The following SMCHD1 variants were observed in gnomAD, a reference collection of about 807,000 sequenced individuals.
SMCHD1 encodes the protein structural maintenance of chromosomes flexible hinge domain containing 1, also known as structural maintenance of chromosomes flexible hinge domain-containing protein 1.
In SMCHD1, 78 loss-of-function variants were observed where a neutral mutation model predicts 254.7. That is an observed-to-expected ratio of 0.31 (90% CI 0.26 to 0.37). The LOEUF is 0.37. Among genes scored for constraint, SMCHD1 ranks in the 10% least tolerant of loss-of-function variants. The pLI, the probability that SMCHD1 is intolerant of heterozygous loss-of-function variation, is 1.00. For synonymous variants in SMCHD1, 766 were observed against 794.9 expected (o/e 0.96, Z 0.61); for missense variants, 1,840 against 2,408.1 (o/e 0.76, Z 4.94).
intron 27 of SMCHD1, among the ~76,000 whole-genome samples, chr18:2,740,073 G>A (rs1313334554): frequency 6.6e-6 from 1 of 151,894 alleles, no homozygotes; most frequent in African/African-American, 2.4e-5. Flanking sequence ...CTTAAATGCT[G>A]TCCCTCCCCT....
At chr18:2,786,092 C>T (rs2076235730) in intron 45 of SMCHD1, among the ~76,000 whole-genome samples, 1 of 152,118 alleles carries the variant, frequency 6.6e-6, no homozygotes, top group Admixed American at 6.5e-5. Context: ...CAGCTCACTG[C>T]AACCTCGGTC....
intron 37 of SMCHD1, among the ~76,000 whole-genome samples, chr18:2,768,638 TATAGTATAC>T (rs2075914077): frequency 8.4e-6 from 1 of 119,100 alleles, no homozygotes; most frequent in South Asian, 3.0e-4. Flanking sequence ...TACTAGTATA[TATAGTATAC>T]AGTATATAGT....
chr18:2,663,081 G>C (rs532635865), intron 1 of SMCHD1, among the ~76,000 whole-genome samples: 217 of 152,140 alleles, frequency 1.4e-3, no homozygotes, highest in African/African-American at 4.8e-3. Context: ...TATGTTGTCT[G>C]GTCTTTTTCT....
rs923693213 is a variant in SMCHD1 at position 2,803,434 on chromosome 18, T to A, written c.*882T>A. Reference sequence around the variant, plus strand: ...GCTGCAAAAACATTTGAAATGTATATTAACCTAATGTATGTCATATATATG... The same window carrying A: ...GCTGCAAAAACATTTGAAATGTATAATAACCTAATGTATGTCATATATATG... On this transcript the variant is annotated 3_prime_UTR_variant, in exon 48 of 48. Transcript: ENST00000320876. 13 of 152,092 alleles carry A rather than the reference T, an allele frequency of 8.5e-5. No homozygotes were observed. The highest frequency in any genetic ancestry group is 3.1e-4 in the African/African-American group (13 of 41,552). 9.4% of individuals were successfully genotyped at this position (152,092 alleles called of 1,614,324 possible). A position where few individuals can be genotyped will look rare whatever the true frequency, so the allele number is the denominator to read the frequency against.
intron 34 of SMCHD1, among the ~76,000 whole-genome samples, chr18:2,757,888 TTA>T (rs1209575737): frequency 6.6e-6 from 1 of 152,086 alleles, no homozygotes; most frequent in African/African-American, 2.4e-5. Flanking sequence ...ATTATTATTA[TTA>T]TTTTTTTCTT....
chr18:2,713,160 A>G (rs2074719082), intron 17 of SMCHD1, among the ~76,000 whole-genome samples: 1 of 152,252 alleles, frequency 6.6e-6, no homozygotes, highest in South Asian at 2.1e-4. Flanking sequence ...TTGGCAGTCC[A>G]GTAGTTTGCC....
At chr18:2,706,051 A>T (rs1340120396) in intron 14 of SMCHD1, among the ~76,000 whole-genome samples, 1 of 152,140 alleles carries the variant, frequency 6.6e-6, no homozygotes, top group Non-Finnish European at 1.5e-5. Context: ...TTATAAAGTC[A>T]TATTTCCTCT....
chr18:2,729,972 C>A (rs2075105357), intron 24 of SMCHD1, among the ~76,000 whole-genome samples: 2 of 152,120 alleles, frequency 1.3e-5, no homozygotes, highest in South Asian at 4.1e-4. Context: ...CCTTGGCCAC[C>A]CAAAGTGCTG....
Position 2,678,853 on chromosome 18 carries a change from TTG to T in SMCHD1, c.638+4710_638+4711del, listed in dbSNP as rs1282694028. 1.9e-3 allele frequency among the ~76,000 whole-genome samples: 51 copies of T among 26,566 alleles called. 1 individual carries two copies. The highest frequency in any genetic ancestry group is 2.3e-3 in the East Asian group (1 of 428). The allele number at this position is 26,566 out of a possible 152,430, so 17.4% of individuals were successfully genotyped here. A position where few individuals can be genotyped will look rare whatever the true frequency, so the allele number is the denominator to read the frequency against. ...TTTTTTTTTTTGTTTGTTTGTTTTTTTGTTTTTTTTTTTGAGAGGGAGTCTTG... is the reference window on the plus strand; with the variant it reads ...TTTTTTTTTTTGTTTGTTTGTTTTTTTTTTTTTTTTTGAGAGGGAGTCTTG... On this transcript the variant is annotated intron_variant, in intron 5 of 47. Coordinates refer to ENST00000320876, the MANE Select transcript of SMCHD1 (RefSeq NM_015295.3).
intron 5 of SMCHD1, among the ~76,000 whole-genome samples, chr18:2,678,276 TCTCTC>T (rs1365240914): frequency 6.4e-5 from 8 of 124,572 alleles, no homozygotes; most frequent in African/African-American, 2.6e-4. Context: ...TCTCTCTCCC[TCTCTC>T]TCTTTCTTTC....
intron 28 of SMCHD1, among the ~76,000 whole-genome samples, chr18:2,741,360 C>T (rs1191311945): frequency 6.6e-6 from 1 of 152,158 alleles, no homozygotes; most frequent in Non-Finnish European, 1.5e-5. Context: ...GTTGGGTCTT[C>T]AAGGAACCTG....
intron 37 of SMCHD1, among the ~76,000 whole-genome samples, chr18:2,768,301 T>G (rs1166531358): frequency 1.3e-5 from 2 of 151,944 alleles, no homozygotes; most frequent in African/African-American, 4.8e-5. Flanking sequence ...TTAGTTAAAA[T>G]AATAATGACT....
chr18:2,798,765 G>A (rs940285043), intron 47 of SMCHD1, among the ~76,000 whole-genome samples: 49 of 152,138 alleles, frequency 3.2e-4, no homozygotes, highest in African/African-American at 1.2e-3. Flanking sequence ...TTTTATATAG[G>A]TTTGCCATAA....
In SMCHD1 at chr18:2,804,999, C is replaced by T. The variant is rs2076421504; in HGVS notation, c.*2447C>T. 1 of 152,112 alleles carries T rather than the reference C, an allele frequency of 6.6e-6. No individual in the cohort carries two copies. Among genetic ancestry groups the T allele is most frequent in the African/African-American group, 2.4e-5 (1 of 41,424 alleles). The allele number at this position is 152,112 out of a possible 1,614,324, so 9.4% of individuals were successfully genotyped here. On this transcript the variant is annotated 3_prime_UTR_variant, in exon 48 of 48. Transcript: ENST00000320876. Reference sequence around the variant, plus strand: ...GAAGTAACTGAAATAAAACTCTCTCCAAGCCTTTTTGCACATTACGTTCAT... The same window carrying T: ...GAAGTAACTGAAATAAAACTCTCTCTAAGCCTTTTTGCACATTACGTTCAT...
At chr18:2,661,137 A>G (rs2073239703) in intron 1 of SMCHD1, among the ~76,000 whole-genome samples, 1 of 152,204 alleles carries the variant, frequency 6.6e-6, no homozygotes, top group Admixed American at 6.5e-5. Context: ...ATGAGAACAC[A>G]TGAACATAGG....
intron 33 of SMCHD1, among the ~76,000 whole-genome samples, chr18:2,752,137 G>A (rs890634129): frequency 7.9e-5 from 12 of 152,032 alleles, no homozygotes; most frequent in African/African-American, 2.7e-4. Context: ...CAACATTTAT[G>A]GTTCATTTTA....
chr18:2,670,762 G>A (rs554780135), intron 3 of SMCHD1, among the ~76,000 whole-genome samples: 3 of 152,014 alleles, frequency 2.0e-5, no homozygotes, highest in South Asian at 2.1e-4. Context: ...TTGGCCAGGC[G>A]TGGAGGTGGG....
intron 17 of SMCHD1, among the ~76,000 whole-genome samples, chr18:2,712,360 CATTT>C (rs2143311421): frequency 6.6e-6 from 1 of 152,006 alleles, no homozygotes; most frequent in Non-Finnish European, 1.5e-5. Context: ...TTGGTGTTTC[CATTT>C]ATTTCTTAAT....
intron 17 of SMCHD1, among the ~76,000 whole-genome samples, chr18:2,716,278 T>C (rs2074798078): frequency 6.6e-6 from 1 of 152,118 alleles, no homozygotes; most frequent in African/African-American, 2.4e-5. Flanking sequence ...GTATGGACAA[T>C]TGTGGTAGTA....
Sources: gnomAD v4.1 joint callset for allele counts (sites outside exome capture counted in the v4.1 genomes callset) on GRCh38, gnomAD v4.1.1 for gene constraint, MANE v1.5 for transcripts, NCBI Gene and HGNC (gene_info 2026-07-23, HGNC 2026-07-21) for gene names.